Variants in TOP1MT observed in about 807,000 individuals in gnomAD.
TOP1MT encodes DNA topoisomerase I mitochondrial.
Under a neutral mutation model 73.9 loss-of-function variants are expected in TOP1MT, and 80 were observed. That is an observed-to-expected ratio of 1.08 (90% confidence interval 0.90 to 1.30). The LOEUF (loss-of-function observed/expected upper bound fraction) is 1.30. Ranked by LOEUF, TOP1MT falls within the 50% of genes most tolerant of loss-of-function variation. TOP1MT has a pLI of 0.00. For synonymous variants in TOP1MT, 338 were observed against 326.4 expected (o/e 1.04, Z -0.38); for missense variants, 815 against 808.0 (o/e 1.01, Z -0.10).
At chr8:143,316,334 C>T (rs1816162911) in intron 10 of TOP1MT, among the ~76,000 whole-genome samples, 1 of 152,234 alleles carries the variant, frequency 6.6e-6, no homozygotes, top group Non-Finnish European at 1.5e-5. Context: ...AGCAACAAGG[C>T]TTCACGTGGG....
chr8:143,351,622 C>T (rs960634247), intron 1 of TOP1MT, among the ~76,000 whole-genome samples: 23 of 151,688 alleles, frequency 1.5e-4, no homozygotes, highest in African/African-American at 5.1e-4. Context: ...TAAAACAATT[C>T]CATTTACAAT....
chr8:143,316,140 G>A lies in TOP1MT; in HGVS notation c.1331-14C>T. The stretch of plus-strand genomic sequence containing the variant: ...TGCTGTCCTCGGCTGAGAGGCACGG[G>A]CTGTCAGAGGCAGCACCCACGGGGC... On this transcript the variant is annotated splice_polypyrimidine_tract_variant and intron_variant, in intron 10 of 13. Coordinates refer to ENST00000329245, the MANE Select transcript of TOP1MT (RefSeq NM_052963.3). The A allele has an allele frequency of 6.2e-7, 1 of 1,613,936 alleles. No homozygotes were observed. Among genetic ancestry groups the A allele is most frequent in the Non-Finnish European group, 8.5e-7 (1 of 1,179,960 alleles).
At chr8:143,317,693 G>A (rs1164007582) in intron 10 of TOP1MT, 30 bp downstream of exon 10, 17 of 1,585,758 alleles carry the variant, frequency 1.1e-5, no homozygotes, top group East Asian at 6.7e-5. Context: ...TGCTCCCCCC[G>A]CGCTGAGTGT....
At chr8:143,334,644 G>A (rs1816942637) in intron 1 of TOP1MT, 96 bp downstream of exon 1, 2 of 1,535,540 alleles carry the variant, frequency 1.3e-6, no homozygotes, top group Middle Eastern at 1.7e-4. Context: ...CCGGAAGCAG[G>A]GCAAGGCCGT....
At chr8:143,331,135 G>A (rs1172687301) in intron 2 of TOP1MT, 89 bp downstream of exon 2, 2 of 1,007,782 alleles carry the variant, frequency 2.0e-6, no homozygotes, top group Non-Finnish European at 3.0e-6. Context: ...CCTGCAGGGG[G>A]GCTGAGGGAG....
At chr8:143,321,615 C>CCA (rs1171205779) in intron 7 of TOP1MT, among the ~76,000 whole-genome samples, 1 of 56,928 alleles carries the variant, frequency 1.8e-5, no homozygotes, top group Non-Finnish European at 3.2e-5. Flanking sequence ...CGCACGCACG[C>CCA]CACACGCACG....
upstream of TOP1MT, among the ~76,000 whole-genome samples, chr8:143,347,688 G>GCAGCCAGCCAGCCAGCCAGC (rs36222627): frequency 4.0e-5 from 6 of 150,078 alleles, no homozygotes; most frequent in South Asian, 8.5e-4. Context: ...CAGCAGGCAG[G>GCAGCCAGCCAGCCAGCCAGC]CAGCCAGCCA....
upstream of TOP1MT, among the ~76,000 whole-genome samples, chr8:143,347,039 C>CAGTG (rs1433897298): frequency 2.0e-5 from 3 of 151,578 alleles, no homozygotes; most frequent in Non-Finnish European, 4.4e-5. Flanking sequence ...GGCTGGAGTG[C>CAGTG]AGTGGTGTGA....
Position 143,309,378 on chromosome 8 carries a change from G to A in TOP1MT, c.*63C>T. On this transcript the variant is annotated 3_prime_UTR_variant, in exon 14 of 14. Transcript: ENST00000329245. ...ACATTTTATTGTACAAAATTCCCCA[G>A]TACTGCTTTAATAGTGAAAAAAACA... The A allele has an allele frequency of 2.6e-6, 4 of 1,545,840 alleles. No homozygotes were observed. In the South Asian group the frequency reaches 3.4e-5, roughly 13 times the overall value.
chr8:143,323,211 C>CCA (rs1394994508), intron 7 of TOP1MT, among the ~76,000 whole-genome samples: 5 of 99,400 alleles, frequency 5.0e-5, no homozygotes, highest in Admixed American at 2.3e-4. Context: ...CACAGGCACG[C>CCA]CACACAGGCA....
chr8:143,309,558 A>G lies in TOP1MT; in HGVS notation c.1704-15T>C, dbSNP rs7386475. The G allele has an allele frequency of 0.56, 895,917 of 1,612,382 alleles. 256,204 individuals carry two copies. The highest frequency in any genetic ancestry group is 0.8 in the East Asian group (36,079 of 44,828). ...ACCGCTTGCACCTGCGGGAGGCAGC[A>G]TCAGCCCAGGCAAGCAGGCAACTCA... On this transcript the variant is annotated splice_polypyrimidine_tract_variant and intron_variant, in intron 13 of 13. Coordinates refer to ENST00000329245, the MANE Select transcript of TOP1MT (RefSeq NM_052963.3).
upstream of TOP1MT, among the ~76,000 whole-genome samples, chr8:143,338,909 CAG>C (rs776596931): frequency 6.6e-6 from 1 of 152,226 alleles, no homozygotes; most frequent in Admixed American, 6.5e-5. Flanking sequence ...CCAGGCCACT[CAG>C]GGGTTGCCCA....
chr8:143,335,007 G>C (rs1816958619), upstream of TOP1MT: 4 of 849,984 alleles, frequency 4.7e-6, no homozygotes, highest in African/African-American at 3.0e-5. Context: ...AGCCTGCACG[G>C]GGCTGCGGCA....
At chr8:143,356,722 G>A (rs1817413972), upstream of TOP1MT, among the ~76,000 whole-genome samples, 1 of 139,042 alleles carries the variant, frequency 7.2e-6, no homozygotes, top group Non-Finnish European at 1.5e-5. Flanking sequence ...GGAGGCAGAA[G>A]TTGTGGTGAG....
At chr8:143,320,127 A>T (rs1321785533) in intron 8 of TOP1MT, among the ~76,000 whole-genome samples, 2 of 152,024 alleles carry the variant, frequency 1.3e-5, no homozygotes, top group Admixed American at 6.5e-5. Flanking sequence ...CCGTCTTGAA[A>T]AAAGAAAAAA....
At position 143,310,142 on chromosome 8, in the gene TOP1MT, G is replaced by C. The variant is rs753323553; in HGVS notation, c.1629C>G (p.Asp543Glu). Residue 543 changes from aspartate (D) to glutamate (E), a missense_variant, in exon 13 of 14, where the codon GAC (aspartate) becomes GAG (glutamate). Asp to Glu is a conservative substitution (Grantham distance 45). This residue lies in a region of TOP1MT where 751 missense variants were observed against 725.4 expected (regional missense o/e 1.04). Coordinates refer to ENST00000329245, the MANE Select transcript of TOP1MT (RefSeq NM_052963.3). The stretch of plus-strand genomic sequence containing the variant: ...GGGCCACCTGCTTGTTCTCCTCCTT[G>C]TCCGTGGCCTGCACACTCAGCTGCG... ...QLAQLSVQAT[D>E]KEENKQVALG... is the part of the protein sequence containing the mutation. 3 of 1,613,184 alleles carry C rather than the reference G, an allele frequency of 1.9e-6. No homozygotes were observed. In the Admixed American group the frequency reaches 5.0e-5, roughly 27 times the overall value.
At chr8:143,316,357 G>A (rs1418330416) in intron 10 of TOP1MT, among the ~76,000 whole-genome samples, 3 of 151,272 alleles carry the variant, frequency 2.0e-5, no homozygotes, top group Non-Finnish European at 4.4e-5. Context: ...CACAGCACAG[G>A]TAGCACCACC....
At chr8:143,318,181 G>A in intron 8 of TOP1MT, 95 bp from the exon 9 acceptor site, 1 of 1,179,084 alleles carries the variant, frequency 8.5e-7, no homozygotes, top group Non-Finnish European at 1.2e-6. Context: ...GCCCACGGGA[G>A]GCTTCCCTGA....
At chr8:143,331,436 G>A (rs1390574525) in intron 1 of TOP1MT, 97 bp from the exon 2 acceptor site, 39 of 1,030,998 alleles carry the variant, frequency 3.8e-5, no homozygotes, top group Non-Finnish European at 5.4e-5. Context: ...GCTCCTAGCA[G>A]GTGAGCAGTG....
Sources: allele counts gnomAD v4.1 joint callset (sites outside exome capture counted in the v4.1 genomes callset), GRCh38; gene constraint gnomAD v4.1.1; regional missense constraint gnomAD v4.1.1; transcripts MANE v1.5; gene names NCBI Gene and HGNC (gene_info 2026-07-23, HGNC 2026-07-21).